Variants in FEV observed in about 807,000 individuals in gnomAD.
FEV encodes the protein protein FEV.
A neutral mutation model predicts 20.5 loss-of-function variants in FEV; 14 were observed. That is an observed-to-expected ratio of 0.68 (90% CI 0.45 to 1.07). FEV has a LOEUF of 1.07. Ranked by LOEUF, FEV falls within the 50% of genes least tolerant of loss-of-function variation. The pLI, the probability that FEV is intolerant of heterozygous loss-of-function variation, is 0.00. For missense variants in FEV, 301 were observed against 345.3 expected (o/e 0.87, Z 1.02); for synonymous variants, 188 against 163.7 (o/e 1.15, Z -1.13).
In FEV at chr2:218,981,569, A is replaced by G. The variant is rs955963891; in HGVS notation, c.*98T>C. 6.3e-6 allele frequency: 6 copies of G among 953,272 alleles called. No individual in the cohort carries two copies. The highest frequency in any genetic ancestry group is 8.2e-6 in the Non-Finnish European group (6 of 732,182). The allele number at this position is 953,272 out of a possible 1,614,324, so 59.1% of individuals were successfully genotyped here. The stretch of plus-strand genomic sequence containing the variant: ...GGTGGAGTAAACTCTGGATTAGAGG[A>G]CGGTTGACGGAGGCTCCCGGGCCCT... On this transcript the variant is annotated 3_prime_UTR_variant, in exon 3 of 3. Coordinates refer to ENST00000295727, the MANE Select transcript of FEV (RefSeq NM_017521.3). The surrounding 1 kb of genome is among the most constrained non-coding windows in gnomAD (Gnocchi z 4.5).
Position 218,984,127 on chromosome 2 carries a change from G to T in FEV, c.127+104C>A. 1 of 1,165,168 alleles carries T rather than the reference G, an allele frequency of 8.6e-7. No individual in the cohort carries two copies. Among genetic ancestry groups the T allele is most frequent in the Non-Finnish European group, 1.2e-6 (1 of 828,128 alleles). 72.2% of individuals were successfully genotyped at this position (1,165,168 alleles called of 1,614,324 possible). A position where few individuals can be genotyped will look rare whatever the true frequency, so the allele number is the denominator to read the frequency against. The stretch of plus-strand genomic sequence containing the variant: ...CCGCACAACCAGGCCAGGACTCCGG[G>T]CTTCAGTGTGAACCCTGGGTCCACA... On this transcript the variant is annotated intron_variant, in intron 2 of 2. Transcript: ENST00000295727. The surrounding 1 kb of genome is among the most constrained non-coding windows in gnomAD (Gnocchi z 5.0).
chr2:218,984,870 TC>T lies in FEV; in HGVS notation c.52+153del, dbSNP rs1027113186. Among the ~76,000 whole-genome samples, 1 of 152,148 alleles carries T rather than the reference TC, an allele frequency of 6.6e-6. No homozygotes were observed. The highest frequency in any genetic ancestry group is 6.5e-5 in the Admixed American group (1 of 15,288). On this transcript the variant is annotated intron_variant, in intron 1 of 2. Coordinates refer to ENST00000295727, the MANE Select transcript of FEV (RefSeq NM_017521.3). The surrounding 1 kb of genome is among the most constrained non-coding windows in gnomAD (Gnocchi z 5.0). ...AGAGCTCTCTATCTGCCTTTAGGTCTCCCCAGTGCCCTACATTACAATCGGC... is the reference window on the plus strand; with the variant it reads ...AGAGCTCTCTATCTGCCTTTAGGTCTCCCAGTGCCCTACATTACAATCGGC...
rs187206223 is a variant in FEV at position 218,983,879 on chromosome 2, C to T, written c.127+352G>A. On this transcript the variant is annotated intron_variant, in intron 2 of 2. Coordinates refer to ENST00000295727, the MANE Select transcript of FEV (RefSeq NM_017521.3). ...AGCCCGCTGTGTTTGGGGAGTAATT[C>T]CCCCGGTTCCATTGCCGGCTGGTGC... Among the ~76,000 whole-genome samples, 209 of 152,284 alleles carry T rather than the reference C, an allele frequency of 1.4e-3. 1 individual carries two copies. The highest frequency in any genetic ancestry group is 4.9e-3 in the African/African-American group (203 of 41,554).
chr2:218,981,697 T>C lies in FEV; in HGVS notation c.687A>G (p.Ala229=). Residue 229 remains alanine (A), a synonymous_variant, in exon 3 of 3, where the codon GCA becomes GCG. Transcript: ENST00000295727. This position sits in a 1 kb window ranked among gnomAD's most constrained non-coding sequence, Gnocchi z 4.5. ...GGTAATGGCCCCCCAAGTGCGAGGC[T>C]GCGGCCACGGCCCCGAAGGGCCCGG... ...PPPGPFGAVA[A]ASHLGGHYH 4 of 1,342,012 alleles carry C rather than the reference T, an allele frequency of 3.0e-6. No homozygotes were observed. Among genetic ancestry groups the C allele is most frequent in the African/African-American group, 1.5e-5 (1 of 65,614 alleles). 83.1% of individuals were successfully genotyped at this position (1,342,012 alleles called of 1,614,324 possible). A position where few individuals can be genotyped will look rare whatever the true frequency, so the allele number is the denominator to read the frequency against.
In FEV at chr2:218,982,145, G is replaced by A; in HGVS notation, c.239C>T (p.Pro80Leu). The A allele has an allele frequency of 1.2e-6, 2 of 1,613,492 alleles. No individual in the cohort carries two copies. The highest frequency in any genetic ancestry group is 1.7e-6 in the Non-Finnish European group (2 of 1,179,870). ...GGHGEFKLTD[P>L]DEVARRWGER... is the part of the protein sequence containing the mutation. ...GCCCCACCGCCGCGCCACCTCGTCC[G>A]GGTCCGTGAGCTTGAACTCGCCGTG... The change falls in exon 3 of 3, where the codon CCG (proline) becomes CTG (leucine). Residue 80 changes from proline (P) to leucine (L), a missense_variant. Transcript: ENST00000295727.
intron 2 of FEV, among the ~76,000 whole-genome samples, chr2:218,983,666 C>A (rs1447989687): frequency 6.6e-6 from 1 of 152,134 alleles, no homozygotes; most frequent in African/African-American, 2.4e-5. Context: ...GAGATGGGGA[C>A]TGTGGGGAGA....
At position 218,981,570 on chromosome 2, in the gene FEV, C is replaced by A; in HGVS notation, c.*97G>T. 1 of 970,030 alleles carries A rather than the reference C, an allele frequency of 1.0e-6. No homozygotes were observed. Among genetic ancestry groups the A allele is most frequent in the Non-Finnish European group, 1.3e-6 (1 of 747,398 alleles). 60.1% of individuals were successfully genotyped at this position (970,030 alleles called of 1,614,324 possible). On this transcript the variant is annotated 3_prime_UTR_variant, in exon 3 of 3. Transcript: ENST00000295727. This position sits in a 1 kb window ranked among gnomAD's most constrained non-coding sequence, Gnocchi z 4.5. Reference sequence around the variant, plus strand: ...GTGGAGTAAACTCTGGATTAGAGGACGGTTGACGGAGGCTCCCGGGCCCTC... The same window carrying A: ...GTGGAGTAAACTCTGGATTAGAGGAAGGTTGACGGAGGCTCCCGGGCCCTC...
At chr2:218,982,969 G>A (rs1945405089) in intron 2 of FEV, among the ~76,000 whole-genome samples, 1 of 152,218 alleles carries the variant, frequency 6.6e-6, no homozygotes, top group Non-Finnish European at 1.5e-5. Flanking sequence ...CTTCGGGTGC[G>A]CAGGCCTCTG....
At position 218,984,373 on chromosome 2, in the gene FEV, C is replaced by G; in HGVS notation, c.53-68G>C. On this transcript the variant is annotated intron_variant, in intron 1 of 2. Transcript: ENST00000295727. This position sits in a 1 kb window ranked among gnomAD's most constrained non-coding sequence, Gnocchi z 5.0. ...AAGTTGTGGGCTTGACAAAAGGGCC[C>G]CGGGCCAAGGCTTAAGGGGGGTGCT... 6.8e-7 allele frequency: 1 copy of G among 1,474,548 alleles called. No individual in the cohort carries two copies. Among genetic ancestry groups the G allele is most frequent in the East Asian group, 2.5e-5 (1 of 40,120 alleles). 91.3% of individuals were successfully genotyped at this position (1,474,548 alleles called of 1,614,324 possible). A position where few individuals can be genotyped will look rare whatever the true frequency, so the allele number is the denominator to read the frequency against.
intron 2 of FEV, among the ~76,000 whole-genome samples, chr2:218,982,528 G>A (rs1053176271): frequency 6.6e-6 from 1 of 152,146 alleles, no homozygotes; most frequent in African/African-American, 2.4e-5. Flanking sequence ...GTGGAACTTG[G>A]GGGTTGGGGG....
chr2:218,982,099 G>A lies in FEV; in HGVS notation c.285C>T (p.Asn95=), dbSNP rs776522408. Residue 95 remains asparagine (N), a synonymous_variant, in exon 3 of 3, where the codon AAC becomes AAT. Coordinates refer to ENST00000295727, the MANE Select transcript of FEV (RefSeq NM_017521.3). ...RRWGERKSKP[N]MNYDKLSRAL... ...CGCGGCTCAGCTTGTCGTAGTTCAT[G>A]TTGGGCTTGCTCTTGCGCTCGCCCC... 6.2e-7 allele frequency: 1 copy of A among 1,613,732 alleles called. No individual in the cohort carries two copies. The highest frequency in any genetic ancestry group is 1.1e-5 in the South Asian group (1 of 91,084).
rs971026425 is a variant in FEV, at chr2:218,984,926, TCTC to T, written c.52+95_52+97del. 46 of 1,155,300 alleles carry T rather than the reference TCTC, an allele frequency of 4.0e-5. No homozygotes were observed. The highest frequency in any genetic ancestry group is 4.4e-5 in the Non-Finnish European group (35 of 788,826). 71.6% of individuals were successfully genotyped at this position (1,155,300 alleles called of 1,614,324 possible). On this transcript the variant is annotated intron_variant, in intron 1 of 2. Transcript: ENST00000295727. This position sits in a 1 kb window ranked among gnomAD's most constrained non-coding sequence, Gnocchi z 5.0. ...CATGCAACCCGAATCTCCGGACACT[TCTC>T]CTTCCCCTGGACCCCAGCACTCTCT...
intron 2 of FEV, among the ~76,000 whole-genome samples, chr2:218,983,603 G>T (rs143906593): frequency 6.6e-6 from 1 of 152,184 alleles, no homozygotes; most frequent in Non-Finnish European, 1.5e-5. Flanking sequence ...TAAAACAGTC[G>T]CCAACCTCGT....
At position 218,984,549 on chromosome 2, in the gene FEV, G is replaced by A. The variant is rs1422027241; in HGVS notation, c.53-244C>T. 1 of 465,334 alleles carries A rather than the reference G, an allele frequency of 2.1e-6. No individual in the cohort carries two copies. Among genetic ancestry groups the A allele is most frequent in the Non-Finnish European group, 3.9e-6 (1 of 257,386 alleles). The allele number at this position is 465,334 out of a possible 1,614,324, so 28.8% of individuals were successfully genotyped here. ...AATCCGCTTTCCGAAGGGGCCGGCTGGAGCCTTATAAAGCCGAGCGGGGAA... is the reference window on the plus strand; with the variant it reads ...AATCCGCTTTCCGAAGGGGCCGGCTAGAGCCTTATAAAGCCGAGCGGGGAA... On this transcript the variant is annotated intron_variant, in intron 1 of 2. Transcript: ENST00000295727. This position sits in a 1 kb window ranked among gnomAD's most constrained non-coding sequence, Gnocchi z 5.0.
At position 218,984,154 on chromosome 2, in the gene FEV, T is replaced by A; in HGVS notation, c.127+77A>T. On this transcript the variant is annotated intron_variant, in intron 2 of 2. Transcript: ENST00000295727. The surrounding 1 kb of genome is among the most constrained non-coding windows in gnomAD (Gnocchi z 5.0). ...TTCAGTGTGAACCCTGGGTCCACACTGCTCCCACCTACTGTCCGCCTGTGC... is the reference window on the plus strand; with the variant it reads ...TTCAGTGTGAACCCTGGGTCCACACAGCTCCCACCTACTGTCCGCCTGTGC... 7.0e-7 allele frequency: 1 copy of A among 1,433,054 alleles called. No homozygotes were observed. Among genetic ancestry groups the A allele is most frequent in the Non-Finnish European group, 9.6e-7 (1 of 1,046,640 alleles). The allele number at this position is 1,433,054 out of a possible 1,614,324, so 88.8% of individuals were successfully genotyped here. A position where few individuals can be genotyped will look rare whatever the true frequency, so the allele number is the denominator to read the frequency against.
Position 218,982,251 on chromosome 2 carries a change from C to T in FEV, c.133G>A (p.Gly45Arg). The T allele has an allele frequency of 3.8e-6, 6 of 1,581,692 alleles. No homozygotes were observed. Among genetic ancestry groups the T allele is most frequent in the South Asian group, 1.1e-5 (1 of 88,016 alleles). ...AGAAACTGCCACAGCTGGATCTGTC[C>T]GCTGCCTGTGGGGAGGGGGGCGGTC... ...PLSPAVQKGS[G>R]QIQLWQFLLE... Residue 45 changes from glycine to arginine, a missense_variant, in exon 3 of 3, where the codon GGA (glycine) becomes AGA (arginine). By Grantham distance (125) the Gly-to-Arg change is moderately radical. Coordinates refer to ENST00000295727, the MANE Select transcript of FEV (RefSeq NM_017521.3).
At chr2:218,982,663 G>C (rs1336177879) in intron 2 of FEV, among the ~76,000 whole-genome samples, 2 of 152,208 alleles carry the variant, frequency 1.3e-5, no homozygotes, top group Non-Finnish European at 2.9e-5. Context: ...CTTATTTAGG[G>C]AAAAGACGCA....
In FEV at chr2:218,984,980, G is replaced by T; in HGVS notation, c.52+44C>A. ...TCCCATGCCTGAGCCTAGACTTCCC[G>T]CCCCAGGTTCCGGTGCCACCAGCCT... On this transcript the variant is annotated intron_variant, in intron 1 of 2. Coordinates refer to ENST00000295727, the MANE Select transcript of FEV (RefSeq NM_017521.3). This position sits in a 1 kb window ranked among gnomAD's most constrained non-coding sequence, Gnocchi z 5.0. The T allele has an allele frequency of 3.9e-6, 6 of 1,525,240 alleles. No individual in the cohort carries two copies. Among genetic ancestry groups the T allele is most frequent in the Non-Finnish European group, 5.3e-6 (6 of 1,123,684 alleles). The allele number at this position is 1,525,240 out of a possible 1,614,324, so 94.5% of individuals were successfully genotyped here. A position where few individuals can be genotyped will look rare whatever the true frequency, so the allele number is the denominator to read the frequency against.
chr2:218,984,500 A>G lies in FEV; in HGVS notation c.53-195T>C. On this transcript the variant is annotated intron_variant, in intron 1 of 2. Coordinates refer to ENST00000295727, the MANE Select transcript of FEV (RefSeq NM_017521.3). The surrounding 1 kb of genome is among the most constrained non-coding windows in gnomAD (Gnocchi z 5.0). ...GGAGCCCCTCCATAGAGCCCAAGTCAGGAAACGCGTCCAGGAAAAAGGAAA... is the reference window on the plus strand; with the variant it reads ...GGAGCCCCTCCATAGAGCCCAAGTCGGGAAACGCGTCCAGGAAAAAGGAAA... 1 of 493,564 alleles carries G rather than the reference A, an allele frequency of 2.0e-6. No homozygotes were observed. Among genetic ancestry groups the G allele is most frequent in the Non-Finnish European group, 3.7e-6 (1 of 273,898 alleles). 30.6% of individuals were successfully genotyped at this position (493,564 alleles called of 1,614,324 possible). A position where few individuals can be genotyped will look rare whatever the true frequency, so the allele number is the denominator to read the frequency against.
Sources: gnomAD v4.1 joint callset for allele counts (sites outside exome capture counted in the v4.1 genomes callset) on GRCh38, gnomAD v4.1.1 for gene constraint, Gnocchi (gnomAD v3.1) non-coding constraint, MANE v1.5 for transcripts, NCBI Gene and HGNC (gene_info 2026-07-23, HGNC 2026-07-21) for gene names.